Variants in PSORS1C1 observed in about 807,000 individuals in gnomAD.
The protein encoded by PSORS1C1 is psoriasis susceptibility 1 candidate gene 1 protein.
A neutral mutation model predicts 9.4 loss-of-function variants in PSORS1C1; 7 were observed. The observed-to-expected ratio is 0.75, with a 90% CI of 0.42 to 1.40. The LOEUF (loss-of-function observed/expected upper bound fraction) is 1.40. Ranked by LOEUF, PSORS1C1 falls within the 40% of genes most tolerant of loss-of-function variation. The pLI, the probability that PSORS1C1 is intolerant of heterozygous loss-of-function variation, is 0.01. For missense variants in PSORS1C1, 146 were observed against 178.1 expected (o/e 0.82, Z 1.02); for synonymous variants, 63 against 69.4 (o/e 0.91, Z 0.46).
chr6:31,119,283 C>T (rs13201757), intron 1 of PSORS1C1, among the ~76,000 whole-genome samples: 19,662 of 152,146 alleles, frequency 0.13, 1,369 homozygotes, highest in Middle Eastern at 0.21. Flanking sequence ...GCATGCACCT[C>T]CACGCCGAAC....
rs145637055 is a variant in PSORS1C1, at chr6:31,116,937, G to A, written c.-229+2046G>A. On this transcript the variant is annotated intron_variant, in intron 1 of 5. Coordinates refer to ENST00000259881, the MANE Select transcript of PSORS1C1 (RefSeq NM_014068.3). ...GCGAGACGATGGGCCCTCCACTGCAGGGAGAGTCGGGGATGTCCGAACTAC... is the reference window on the plus strand; with the variant it reads ...GCGAGACGATGGGCCCTCCACTGCAAGGAGAGTCGGGGATGTCCGAACTAC... 8.4e-4 allele frequency: 1,356 copies of A among 1,614,216 alleles called. 1 individual carries two copies. Among genetic ancestry groups the A allele is most frequent in the Middle Eastern group, 2.5e-3 (15 of 6,062 alleles).
intron 1 of PSORS1C1, chr6:31,116,411 A>C: frequency 6.3e-7 from 1 of 1,595,898 alleles, no homozygotes; most frequent in Non-Finnish European, 8.5e-7. Context: ...GAAATGCTAG[A>C]ACTGCTGGGG....
intron 1 of PSORS1C1, chr6:31,117,518 T>G: frequency 6.4e-7 from 1 of 1,550,524 alleles, no homozygotes; most frequent in African/African-American, 1.4e-5. Flanking sequence ...CCAATGCTCT[T>G]AGCCAAGGTC....
chr6:31,127,389 C>T (rs1000861584), intron 2 of PSORS1C1, among the ~76,000 whole-genome samples: 5 of 152,116 alleles, frequency 3.3e-5, no homozygotes, highest in African/African-American at 9.7e-5. Context: ...GAAACACAGA[C>T]TCCTGTTAGA....
intron 1 of PSORS1C1, among the ~76,000 whole-genome samples, chr6:31,122,530 C>T (rs1239127307): frequency 2.6e-5 from 4 of 152,200 alleles, no homozygotes; most frequent in Non-Finnish European, 5.9e-5. Flanking sequence ...AATCCCAGCA[C>T]TATGGGAGGC....
At chr6:31,122,156 TC>T (rs752781808) in intron 1 of PSORS1C1, among the ~76,000 whole-genome samples, 2 of 152,256 alleles carry the variant, frequency 1.3e-5, no homozygotes, top group South Asian at 4.1e-4. Context: ...TTTCTGAACT[TC>T]CATCTCCTCA....
chr6:31,116,495 T>TC, intron 1 of PSORS1C1: 1 of 1,609,278 alleles, frequency 6.2e-7, no homozygotes, highest in Non-Finnish European at 8.5e-7. Flanking sequence ...ACCCCACCAG[T>TC]CCCCACTGGC....
At chr6:31,138,350 T>C (rs1773266093) in intron 3 of PSORS1C1, 80 bp from the exon 4 acceptor site, 1 of 1,601,478 alleles carries the variant, frequency 6.2e-7, no homozygotes, top group Admixed American at 1.7e-5. Flanking sequence ...TGAGGGCTTC[T>C]CTCCCCAGCC....
chr6:31,138,763 C>A lies in PSORS1C1; in HGVS notation c.151C>A (p.Pro51Thr). ...TCCTGACCGACTTTGCCACATGGAGCCAGCAAACCATTTCTGGTGAGAGCC... is the reference window on the plus strand; with the variant it reads ...TCCTGACCGACTTTGCCACATGGAGACAGCAAACCATTTCTGGTGAGAGCC... ...VNPDRLCHME[P>T]ANHFWHAGDL... is the part of the protein sequence containing the mutation. Residue 51 changes from proline (P) to threonine (T), a missense_variant, in exon 5 of 6, where the codon CCA becomes ACA. Pro to Thr is a conservative substitution (Grantham distance 38). Transcript: ENST00000259881. 6.2e-7 allele frequency: 1 copy of A among 1,614,140 alleles called. No individual in the cohort carries two copies. The highest frequency in any genetic ancestry group is 8.5e-7 in the Non-Finnish European group (1 of 1,180,020).
chr6:31,137,746 G>C (rs1012649185), intron 3 of PSORS1C1: 54 of 402,394 alleles, frequency 1.3e-4, no homozygotes, highest in African/African-American at 9.3e-4. Flanking sequence ...AGGAAAAAAC[G>C]GGCGATGTGA....
At position 31,114,858 on chromosome 6, in the gene PSORS1C1, A is replaced by G. The variant is rs1772016667; in HGVS notation, c.-262A>G. On this transcript the variant is annotated 5_prime_UTR_variant, in exon 1 of 6. Transcript: ENST00000259881. ...TGTCCCAGAAACCCAGGAAATCGAG[A>G]CTCATGACTCCCAGAGAGGATGGCA... 2.2e-6 allele frequency: 1 copy of G among 455,062 alleles called. No homozygotes were observed. The highest frequency in any genetic ancestry group is 2.4e-5 in the Admixed American group (1 of 42,348). 28.2% of individuals were successfully genotyped at this position (455,062 alleles called of 1,614,324 possible). A position where few individuals can be genotyped will look rare whatever the true frequency, so the allele number is the denominator to read the frequency against.
chr6:31,135,007 A>T (rs971560518), intron 3 of PSORS1C1, among the ~76,000 whole-genome samples: 1 of 151,552 alleles, frequency 6.6e-6, no homozygotes, highest in African/African-American at 2.4e-5. Context: ...CTGTAGAAAC[A>T]GTTTTGCCAT....
intron 1 of PSORS1C1, chr6:31,116,489 C>T: frequency 1.2e-6 from 2 of 1,607,594 alleles, no homozygotes; most frequent in African/African-American, 1.3e-5. Flanking sequence ...AGCTGGACCC[C>T]ACCAGTCCCC....
chr6:31,129,770 G>T, intron 3 of PSORS1C1, 125 bp downstream of exon 3: 1 of 688,784 alleles, frequency 1.5e-6, no homozygotes, highest in Non-Finnish European at 2.7e-6. Flanking sequence ...ACAAGGCACA[G>T]TTGCTGTCTT....
chr6:31,129,532 C>T (rs926666719), intron 2 of PSORS1C1, 37 bp from the exon 3 acceptor site: 3 of 765,268 alleles, frequency 3.9e-6, no homozygotes, highest in Admixed American at 1.8e-5. Context: ...CTCATGCCTC[C>T]CCCTTCTCTT....
chr6:31,120,418 A>C lies in PSORS1C1; in HGVS notation c.-228-5258A>C, dbSNP rs1232568691. The C allele has an allele frequency of 3.2e-6, 5 of 1,581,684 alleles. No homozygotes were observed. The South Asian group carries it at 5.8e-5, about 18-fold the overall frequency. On this transcript the variant is annotated intron_variant, in intron 1 of 5. Transcript: ENST00000259881. ...CATCCAGGGTGCCCGAGACGAGCCC[A>C]TCTCGGACTGCACGGCCTCCTGACT...
intron 3 of PSORS1C1, among the ~76,000 whole-genome samples, chr6:31,136,402 A>AG (rs1420119026): frequency 4.5e-4 from 68 of 151,910 alleles, no homozygotes; most frequent in Middle Eastern, 3.4e-3. Flanking sequence ...AAAAAAAAAA[A>AG]AAAGAAAAGA....
Position 31,132,108 on chromosome 6 carries a change from C to T in PSORS1C1, c.13+2463C>T, listed in dbSNP as rs530363715. Reference sequence around the variant, plus strand: ...AAAAAAAATTAGCCAGACGTGGTGGCATGCGCCTGTGATCCAGCTACTTGG... The same window carrying T: ...AAAAAAAATTAGCCAGACGTGGTGGTATGCGCCTGTGATCCAGCTACTTGG... On this transcript the variant is annotated intron_variant, in intron 3 of 5. Transcript: ENST00000259881. Among the ~76,000 whole-genome samples the T allele has an allele frequency of 6.1e-4, 93 of 152,302 alleles. No individual in the cohort carries two copies. The East Asian group carries it at 7.9e-3, about 13-fold the overall frequency.
chr6:31,137,640 C>G (rs948323680), intron 3 of PSORS1C1: 1 of 343,650 alleles, frequency 2.9e-6, no homozygotes, highest in Admixed American at 4.7e-5. Context: ...AGTACCATAG[C>G]CCTGCCCCAG....
Sources: allele counts gnomAD v4.1 joint callset (sites outside exome capture counted in the v4.1 genomes callset), GRCh38; gene constraint gnomAD v4.1.1; transcripts MANE v1.5; gene names NCBI Gene and HGNC (gene_info 2026-07-23, HGNC 2026-07-21).